The following PDE4DIP variants were observed in gnomAD, a reference collection of about 807,000 sequenced individuals.
PDE4DIP encodes phosphodiesterase 4D interacting protein, also known as myomegalin.
PDE4DIP carries 59 observed loss-of-function variants against 221.4 expected under a neutral mutation model. The observed-to-expected ratio is 0.27, with a 90% confidence interval of 0.22 to 0.33. The LOEUF is 0.33. PDE4DIP is among the 10% of genes least tolerant of loss of function. The probability of loss-of-function intolerance (pLI) is 1.00; values close to 1 mark genes in which losing one functional copy is unlikely to be tolerated. For synonymous variants in PDE4DIP, 404 were observed against 815.9 expected, an observed-to-expected ratio of 0.50 and a Z score of 8.60; for missense variants, 1,036 against 2,154.2, an observed-to-expected ratio of 0.48 and a Z score of 10.28.
intron 1 of PDE4DIP, among the ~76,000 whole-genome samples, chr1:148,855,584 TAGTC>T (rs1319144359): frequency 4.0e-5 from 5 of 124,852 alleles, no homozygotes; most frequent in East Asian, 2.2e-4. Flanking sequence ...AGCCCACACT[TAGTC>T]AGCATGCAGA....
intron 5 of PDE4DIP, chr1:148,952,199 G>C (rs782356127): frequency 9.6e-7 from 1 of 1,038,740 alleles, no homozygotes. Flanking sequence ...GCCCGCGCCA[G>C]TAGTGCTTTC....
At chr1:148,996,815 T>C (rs2064327798) in intron 22 of PDE4DIP, among the ~76,000 whole-genome samples, 1 of 152,170 alleles carries the variant, frequency 6.6e-6, no homozygotes, top group African/African-American at 2.4e-5. Context: ...TGAATGGAGA[T>C]ATAAAGCATA....
intron 14 of PDE4DIP, among the ~76,000 whole-genome samples, chr1:148,971,422 T>A (rs1574602915): frequency 6.7e-6 from 1 of 148,774 alleles, no homozygotes; most frequent in Non-Finnish European, 1.5e-5. Context: ...GAGAAGAGAT[T>A]GCTGGGTTTT....
intron 1 of PDE4DIP, among the ~76,000 whole-genome samples, chr1:148,907,113 T>A: frequency 7.1e-6 from 1 of 140,440 alleles, no homozygotes; most frequent in South Asian, 2.3e-4. Context: ...TTGGTGTCCA[T>A]TTGCATGAAA....
chr1:148,821,120 A>T (rs1225429617), intron 1 of PDE4DIP, among the ~76,000 whole-genome samples: 1 of 148,748 alleles, frequency 6.7e-6, no homozygotes, highest in Non-Finnish European at 1.5e-5. Flanking sequence ...CAATGATCTG[A>T]TTTTTTGAGC....
intron 17 of PDE4DIP, among the ~76,000 whole-genome samples, chr1:148,976,522 T>C (rs1553537790): frequency 6.6e-6 from 1 of 152,086 alleles, no homozygotes; most frequent in East Asian, 1.9e-4. Flanking sequence ...GATTCACTCA[T>C]TCATTCATTA....
At chr1:149,005,116 T>C (rs782090672) in exon 27 of PDE4DIP, 1 of 1,614,038 alleles carries the variant, frequency 6.2e-7, no homozygotes, top group Admixed American at 1.7e-5. Flanking sequence ...AAGGCCCAGC[T>C]GCAGAATGCC....
At chr1:148,930,216 A>T (rs1445445463) in intron 2 of PDE4DIP, 1 of 152,118 alleles carries the variant, frequency 6.6e-6, no homozygotes. Context: ...TTAATGTACA[A>T]AAATCAGTAG....
At chr1:148,959,767 CTCTT>C (rs2056413997) in intron 5 of PDE4DIP, among the ~76,000 whole-genome samples, 1 of 151,044 alleles carries the variant, frequency 6.6e-6, no homozygotes, top group Admixed American at 6.6e-5. Context: ...TAAAATATAT[CTCTT>C]TCCCATTTCA....
chr1:148,977,830 G>A (rs1181341232), intron 17 of PDE4DIP, 107 bp from the exon 21 acceptor site: 18 of 1,508,412 alleles, frequency 1.2e-5, no homozygotes, highest in Non-Finnish European at 1.5e-5. Context: ...CCCTATTCAT[G>A]TTCTCATTTT....
chr1:149,012,719 G>A (rs1553606576), exon 32 of PDE4DIP: 1 of 1,613,694 alleles, frequency 6.2e-7, no homozygotes, highest in South Asian at 1.1e-5. Flanking sequence ...GACACCAGTG[G>A]TCTCCTTGGC....
rs1428283456 is a variant in PDE4DIP, at chr1:149,004,257, G to A, written c.3886+527G>A. 2.0e-5 allele frequency among the ~76,000 whole-genome samples: 3 copies of A among 152,078 alleles called. No individual in the cohort carries two copies. The East Asian group carries it at 5.8e-4, about 29-fold the overall frequency. On this transcript the variant is annotated intron_variant, in intron 26 of 43. Coordinates refer to ENST00000369354, the Ensembl canonical transcript of PDE4DIP. The stretch of plus-strand genomic sequence containing the variant: ...AATAAAGGAACTACCTACCCCATCA[G>A]GTACTAAGGTCAATTAAATGAGTAA...
chr1:149,002,458 C>T (rs1553580578), intron 24 of PDE4DIP, among the ~76,000 whole-genome samples: 1 of 152,114 alleles, frequency 6.6e-6, no homozygotes, highest in Admixed American at 6.5e-5. Flanking sequence ...GGTGTCTGTT[C>T]CTGGGCTTCA....
rs1301621279 is a variant in PDE4DIP at position 148,857,040 on chromosome 1, AAG to A, written c.234-6207_234-6206del. Among the ~76,000 whole-genome samples, 2 of 85,178 alleles carry A rather than the reference AAG, an allele frequency of 2.3e-5. 1 individual carries two copies. Among genetic ancestry groups the A allele is most frequent in the African/African-American group, 1.1e-4 (2 of 18,478 alleles). 55.9% of individuals were successfully genotyped at this position (85,178 alleles called of 152,430 possible). On this transcript the variant is annotated intron_variant, in intron 1 of 45. Coordinates refer to the PDE4DIP transcript ENST00000524974. ...GCCTACTCCTGTGAGGACCCCAAGA[AAG>A]AGCAAACTTCAGCAGTCTTGCTGTC...
At chr1:148,968,915 G>A (rs1399881821) in exon 14 of PDE4DIP, 9 of 1,613,588 alleles carry the variant, frequency 5.6e-6, no homozygotes, top group African/African-American at 2.7e-5. Flanking sequence ...CGTCTACAGC[G>A]AAAGGAAAGG....
At chr1:148,975,360 A>G (rs2059967006) in intron 17 of PDE4DIP, among the ~76,000 whole-genome samples, 1 of 147,366 alleles carries the variant, frequency 6.8e-6, no homozygotes, top group African/African-American at 2.5e-5. Flanking sequence ...TATTTAAATT[A>G]GCACTAATGC....
intron 23 of PDE4DIP, among the ~76,000 whole-genome samples, chr1:149,000,431 T>C (rs2065353192): frequency 6.6e-6 from 1 of 151,886 alleles, no homozygotes; most frequent in Non-Finnish European, 1.5e-5. Context: ...GGCACGTGCC[T>C]GTAGTCCCAG....
At chr1:148,981,310 G>T (rs2061031928) in exon 21 of PDE4DIP, 1 of 1,613,756 alleles carries the variant, frequency 6.2e-7, no homozygotes, top group South Asian at 1.1e-5. Flanking sequence ...ACTGGAAGGG[G>T]CTCAGGTGTT....
At chr1:148,964,056 C>T (rs2057643787) in intron 9 of PDE4DIP, among the ~76,000 whole-genome samples, 1 of 150,520 alleles carries the variant, frequency 6.6e-6, no homozygotes, top group South Asian at 2.1e-4. Context: ...CTGCGCCCGG[C>T]CTCTTTCTTT....
Sources: gnomAD v4.1 joint callset for allele counts (sites outside exome capture counted in the v4.1 genomes callset) on GRCh38, gnomAD v4.1.1 for gene constraint, MANE v1.5 for transcripts, NCBI Gene and HGNC (gene_info 2026-07-23, HGNC 2026-07-21) for gene names.